FAM184B: variants seen among roughly 807,000 people sequenced by gnomAD.
FAM184B encodes the protein protein FAM184B.
FAM184B carries 111 observed loss-of-function variants against 135.9 expected under a neutral mutation model. That is an observed-to-expected ratio of 0.82 (90% confidence interval 0.70 to 0.96). The LOEUF (loss-of-function observed/expected upper bound fraction) is 0.96, where lower values mean the gene tolerates loss of function less well. FAM184B is among the 40% of genes least tolerant of loss of function. The pLI is 0.00. For missense variants in FAM184B, 1,375 were observed against 1,323.9 expected, an observed-to-expected ratio of 1.04 and a Z score of -0.60; for synonymous variants, 552 against 524.8, an observed-to-expected ratio of 1.05 and a Z score of -0.71.
At chr4:17,637,754 T>C (rs966840372) in intron 14 of FAM184B, among the ~76,000 whole-genome samples, 2 of 152,234 alleles carry the variant, frequency 1.3e-5, no homozygotes, top group African/African-American at 4.8e-5. Context: ...CTTGGGCAAG[T>C]GGCTTCACCT....
intron 10 of FAM184B, 27 bp from the exon 11 acceptor site, chr4:17,653,010 G>T: frequency 6.4e-7 from 1 of 1,550,638 alleles, no homozygotes; most frequent in African/African-American, 1.4e-5. Flanking sequence ...GAACAAGAAG[G>T]CATGAAAGTG....
chr4:17,734,856 A>G (rs1717870821), intron 1 of FAM184B, among the ~76,000 whole-genome samples: 1 of 152,004 alleles, frequency 6.6e-6, no homozygotes, highest in South Asian at 2.1e-4. Context: ...ACTATAAATC[A>G]TGCTGCTATA....
chr4:17,779,466 A>G (rs1008368098), intron 1 of FAM184B, among the ~76,000 whole-genome samples: 1 of 152,248 alleles, frequency 6.6e-6, no homozygotes, highest in Admixed American at 6.5e-5. Context: ...AGAATCATGT[A>G]TGCCTTCTAT....
At chr4:17,644,149 G>T (rs529567446) in intron 12 of FAM184B, among the ~76,000 whole-genome samples, 2 of 152,310 alleles carry the variant, frequency 1.3e-5, no homozygotes, top group South Asian at 4.1e-4. Flanking sequence ...GGACATACAG[G>T]TCATAATCAG....
chr4:17,711,473 G>A lies in FAM184B; in HGVS notation c.142-1829C>T, dbSNP rs115775072. Among the ~76,000 whole-genome samples the A allele has an allele frequency of 3.7e-3, 559 of 151,744 alleles. 7 individuals are homozygous for A. Among genetic ancestry groups the A allele is most frequent in the Admixed American group, 8.5e-3 (130 of 15,220 alleles). ...AGCTTGGCCAATACAGCAAGACTCA[G>A]TCTCAAAAAAAATAAAACAAAAACA... is the stretch of plus-strand genomic sequence containing the variant. On this transcript the variant is annotated intron_variant, in intron 1 of 17. Coordinates refer to ENST00000265018, the MANE Select transcript of FAM184B (RefSeq NM_015688.2).
chr4:17,730,752 G>C (rs1717757178), intron 1 of FAM184B, among the ~76,000 whole-genome samples: 1 of 152,208 alleles, frequency 6.6e-6, no homozygotes, highest in African/African-American at 2.4e-5. Context: ...ACTTTGACGA[G>C]CTGAGAGAAG....
intron 1 of FAM184B, among the ~76,000 whole-genome samples, chr4:17,760,983 C>A (rs550645999): frequency 1.3e-5 from 2 of 152,164 alleles, no homozygotes; most frequent in Non-Finnish European, 2.9e-5. Flanking sequence ...TTGCACAGTC[C>A]CCTCCCCACT....
intron 7 of FAM184B, among the ~76,000 whole-genome samples, chr4:17,666,503 T>C (rs1716053990): frequency 6.8e-6 from 1 of 146,540 alleles, no homozygotes. Context: ...TTGGTATTTT[T>C]AGTAGAGACG....
In FAM184B at chr4:17,688,499, A is replaced by G; in HGVS notation, c.1521T>C (p.Asn507=). 1.3e-6 allele frequency: 2 copies of G among 1,550,756 alleles called. No individual in the cohort carries two copies. The highest frequency in any genetic ancestry group is 1.7e-6 in the Non-Finnish European group (2 of 1,146,798). Residue 507 remains asparagine, a synonymous_variant, in exon 7 of 18, where the codon AAT becomes AAC. Coordinates refer to ENST00000265018, the MANE Select transcript of FAM184B (RefSeq NM_015688.2). ...VLRLEEFIQQ[N]KTRPTGAEES... is the part of the protein sequence containing the mutation. ...CCTCAGCTCCTGTGGGGCGTGTCTT[A>G]TTTTGTTGGATAAATTCTTCCAGCC...
At chr4:17,651,537 CAAAAAAAAAA>C (rs751455835) in intron 11 of FAM184B, among the ~76,000 whole-genome samples, 9 of 43,110 alleles carry the variant, frequency 2.1e-4, no homozygotes, top group Non-Finnish European at 2.6e-4. Context: ...GACTCTGTCT[CAAAAAAAAAA>C]AAAAAAAAAA....
At chr4:17,697,909 G>A (rs535920255) in intron 5 of FAM184B, among the ~76,000 whole-genome samples, 1 of 151,988 alleles carries the variant, frequency 6.6e-6, no homozygotes, top group African/African-American at 2.4e-5. Context: ...GTAATTTTTG[G>A]CATTACTAAG....
At chr4:17,648,343 CA>C (rs1715521585) in intron 11 of FAM184B, among the ~76,000 whole-genome samples, 1 of 151,612 alleles carries the variant, frequency 6.6e-6, no homozygotes, top group Admixed American at 6.6e-5. Context: ...AAATTTATGT[CA>C]ACTCTTTTTT....
chr4:17,731,018 G>A (rs573114674), intron 1 of FAM184B, among the ~76,000 whole-genome samples: 45 of 152,202 alleles, frequency 3.0e-4, no homozygotes, highest in Non-Finnish European at 5.1e-4. Flanking sequence ...GAAATGAAGC[G>A]CGAAGGGAAG....
intron 1 of FAM184B, among the ~76,000 whole-genome samples, chr4:17,722,501 T>A (rs1717552671): frequency 6.6e-6 from 1 of 152,244 alleles, no homozygotes; most frequent in Non-Finnish European, 1.5e-5. Flanking sequence ...ATCAGAGAGC[T>A]GTTGCTAGGC....
intron 7 of FAM184B, among the ~76,000 whole-genome samples, chr4:17,681,636 A>C (rs1031543693): frequency 6.6e-6 from 1 of 152,134 alleles, no homozygotes; most frequent in African/African-American, 2.4e-5. Context: ...TGGTCCTCCA[A>C]AATATGGCAC....
Position 17,781,194 on chromosome 4 carries a change from C to A in FAM184B, c.106G>T (p.Val36Leu), listed in dbSNP as rs201695098. ...WRMDCDPQMH[V>L]KMCKKIAQLT... ...TGGGCGATCTTCTTGCACATTTTCA[C>A]GTGCATCTGGGGATCACAGTCCATT... Residue 36 changes from valine to leucine, a missense_variant, in exon 1 of 18, where the codon GTG becomes TTG. By Grantham distance (32) the Val-to-Leu change is conservative (BLOSUM62 1). Coordinates refer to ENST00000265018, the MANE Select transcript of FAM184B (RefSeq NM_015688.2). The surrounding 1 kb of genome is among the most constrained non-coding windows in gnomAD (Gnocchi z 6.5). 9.7e-6 allele frequency: 15 copies of A among 1,549,938 alleles called. No individual in the cohort carries two copies. In the East Asian group the frequency reaches 3.4e-4, roughly 35 times the overall value.
At chr4:17,667,765 C>T (rs1716088964) in intron 7 of FAM184B, among the ~76,000 whole-genome samples, 1 of 152,234 alleles carries the variant, frequency 6.6e-6, no homozygotes. Context: ...GGAAGTGAAG[C>T]AGCAGTCATT....
intron 1 of FAM184B, among the ~76,000 whole-genome samples, chr4:17,717,792 A>C (rs1293987362): frequency 6.6e-6 from 1 of 152,130 alleles, no homozygotes; most frequent in African/African-American, 2.4e-5. Context: ...GAAATGAAAA[A>C]GAAAAAAAAA....
intron 1 of FAM184B, among the ~76,000 whole-genome samples, chr4:17,756,802 G>A (rs1718434359): frequency 6.6e-6 from 1 of 152,144 alleles, no homozygotes; most frequent in Admixed American, 6.6e-5. Flanking sequence ...GTGCACACTT[G>A]TAATCTCAGC....
Sources: allele counts gnomAD v4.1 joint callset (sites outside exome capture counted in the v4.1 genomes callset), GRCh38; gene constraint gnomAD v4.1.1; non-coding constraint Gnocchi (gnomAD v3.1); transcripts MANE v1.5; gene names NCBI Gene and HGNC (gene_info 2026-07-23, HGNC 2026-07-21).